Variants in TYK2 observed in about 807,000 individuals in gnomAD.
TYK2 encodes the protein non-receptor tyrosine-protein kinase TYK2.
TYK2 carries 65 observed loss-of-function variants against 130.9 expected under a neutral mutation model. The ratio of observed to expected loss-of-function variants is 0.50; its 90% confidence interval spans 0.41 to 0.61. The LOEUF (loss-of-function observed/expected upper bound fraction) is 0.61. TYK2 is among the 20% of genes least tolerant of loss of function. The pLI, the probability that TYK2 is intolerant of heterozygous loss-of-function variation, is 0.00. For synonymous variants in TYK2, 647 were observed against 658.9 expected (o/e 0.98, Z 0.28); for missense variants, 1,378 against 1,610.7 (o/e 0.86, Z 2.47).
rs1479893041 is a variant in TYK2, at chr19:10,353,139, G to A, written c.3028-41C>T. 1.5e-5 allele frequency: 22 copies of A among 1,457,200 alleles called. No homozygotes were observed. Among genetic ancestry groups the A allele is most frequent in the Non-Finnish European group, 1.9e-5 (21 of 1,100,912 alleles). 90.3% of individuals were successfully genotyped at this position (1,457,200 alleles called of 1,614,324 possible). The stretch of plus-strand genomic sequence containing the variant: ...GGCTCGTGAGTTTCAGTGGGGCGGG[G>A]TTCGGCCGGGGGCGGCGGCAGGACC... On this transcript the variant is annotated intron_variant, in intron 21 of 24. Transcript: ENST00000525621. This position sits in a 1 kb window ranked among gnomAD's most constrained non-coding sequence, Gnocchi z 6.9.
At chr19:10,378,492 T>C (rs2042251115) in intron 2 of TYK2, 66 bp from the exon 3 acceptor site, 3 of 1,336,824 alleles carry the variant, frequency 2.2e-6, no homozygotes, top group Non-Finnish European at 3.1e-6. Flanking sequence ...CTCTTCAACC[T>C]TCCACCCACC....
rs547478293 is a variant in TYK2, at chr19:10,362,624, C to T, written c.1401G>A (p.Glu467=). The T allele has an allele frequency of 1.0e-4, 159 of 1,552,048 alleles. 4 individuals are homozygous for T. In the South Asian group the frequency reaches 1.7e-3, roughly 16 times the overall value. Residue 467 remains glutamate (E), a synonymous_variant, in exon 10 of 25, where the codon GAG becomes GAA. Transcript: ENST00000525621. ...EPFVQAKLRP[E]DGLYLIHWST... ...TCCAGTGAATGAGGTACAGGCCGTC[C>T]TCGGGCCGCAGCTTGGCCTGCACAA...
chr19:10,367,493 C>T (rs537143141), intron 5 of TYK2, among the ~76,000 whole-genome samples: 18 of 152,018 alleles, frequency 1.2e-4, no homozygotes, highest in African/African-American at 4.1e-4. Context: ...GGGGTGGTGG[C>T]GGGCTTCTGT....
intron 22 of TYK2, 85 bp downstream of exon 22, chr19:10,352,841 A>C: frequency 6.8e-7 from 1 of 1,466,052 alleles, no homozygotes; most frequent in Non-Finnish European, 9.2e-7. Context: ...ATCATGCCCT[A>C]TCATGATACC....
At chr19:10,378,485 T>C in intron 2 of TYK2, 59 bp from the exon 3 acceptor site, 1 of 1,423,468 alleles carries the variant, frequency 7.0e-7, no homozygotes, top group Non-Finnish European at 9.7e-7. Context: ...CTGTTAGCTC[T>C]TCAACCTTCC....
Position 10,366,732 on chromosome 19 carries a change from C to CT in TYK2, c.466-153dup, listed in dbSNP as rs1320226317. 31 of 477,656 alleles carry CT rather than the reference C, an allele frequency of 6.5e-5. No individual in the cohort carries two copies. In the East Asian group the frequency reaches 1.1e-3, roughly 17 times the overall value. 29.6% of individuals were successfully genotyped at this position (477,656 alleles called of 1,614,324 possible). A position where few individuals can be genotyped will look rare whatever the true frequency, so the allele number is the denominator to read the frequency against. ...ACTAACACTAATGATAGCTGATGAGCTAAAAAAAAAAAAAAAAAAAGAATA... is the reference window on the plus strand; with the variant it reads ...ACTAACACTAATGATAGCTGATGAGCTTAAAAAAAAAAAAAAAAAAAGAATA... On this transcript the variant is annotated intron_variant, in intron 5 of 24. Coordinates refer to ENST00000525621, the MANE Select transcript of TYK2 (RefSeq NM_003331.5).
At position 10,366,463 on chromosome 19, in the gene TYK2, C is replaced by A. The variant is rs201107041; in HGVS notation, c.583G>T (p.Ala195Ser). ...TCCAGGGGGATGCCATGGCGGAGAG[C>A]GAGGTGACAGAGGTGCAGAAAGGCC... ...GMAFLHLCHLALRHGIPLEEV... is the reference protein window; with the variant it reads ...GMAFLHLCHLSLRHGIPLEEV... The change falls in exon 6 of 25, where the codon GCT (alanine) becomes TCT (serine). Residue 195 changes from alanine (A) to serine (S), a missense_variant. Transcript: ENST00000525621. 3 of 1,613,952 alleles carry A rather than the reference C, an allele frequency of 1.9e-6. No homozygotes were observed. Among genetic ancestry groups the A allele is most frequent in the Non-Finnish European group, 2.5e-6 (3 of 1,180,012 alleles).
Position 10,366,368 on chromosome 19 carries a change from A to C in TYK2, c.629+49T>G, listed in dbSNP as rs748082483. ...AGTCTACCCTGGCTCCCAGATGCTCAGGACATTTCCCCCTGCCTACACAGC... is the reference window on the plus strand; with the variant it reads ...AGTCTACCCTGGCTCCCAGATGCTCCGGACATTTCCCCCTGCCTACACAGC... On this transcript the variant is annotated intron_variant, in intron 6 of 24. Coordinates refer to ENST00000525621, the MANE Select transcript of TYK2 (RefSeq NM_003331.5). The C allele has an allele frequency of 1.3e-6, 2 of 1,583,560 alleles. 1 individual carries two copies. Among genetic ancestry groups the C allele is most frequent in the East Asian group, 4.5e-5 (2 of 44,426 alleles).
intron 3 of TYK2, among the ~76,000 whole-genome samples, chr19:10,373,424 G>A (rs1048994097): frequency 3.3e-5 from 5 of 151,864 alleles, no homozygotes; most frequent in Admixed American, 6.6e-5. Flanking sequence ...CTGCAACTCC[G>A]CCTCCCAGGT....
In TYK2 at chr19:10,353,784, G is replaced by A; in HGVS notation, c.2909-138C>T. On this transcript the variant is annotated intron_variant, in intron 20 of 24. Transcript: ENST00000525621. The surrounding 1 kb of genome is among the most constrained non-coding windows in gnomAD (Gnocchi z 6.9). ...GCACACTAGACCCAGTTCTCAGGTG[G>A]GATGGACCCATCCAGAACCCCATTC... 1 of 700,700 alleles carries A rather than the reference G, an allele frequency of 1.4e-6. No homozygotes were observed. Among genetic ancestry groups the A allele is most frequent in the South Asian group, 1.9e-5 (1 of 52,634 alleles). The allele number at this position is 700,700 out of a possible 1,614,324, so 43.4% of individuals were successfully genotyped here.
intron 3 of TYK2, among the ~76,000 whole-genome samples, chr19:10,373,950 C>T (rs558306353): frequency 6.6e-6 from 1 of 152,212 alleles, no homozygotes; most frequent in African/African-American, 2.4e-5. Flanking sequence ...ACATCACCCG[C>T]ACACCTGTCT....
intron 3 of TYK2, among the ~76,000 whole-genome samples, chr19:10,374,982 G>A (rs2042062097): frequency 6.6e-6 from 1 of 152,098 alleles, no homozygotes; most frequent in African/African-American, 2.4e-5. Context: ...CCAGGAGTTT[G>A]AGACCAGCAT....
rs545099236 is a variant in TYK2, at chr19:10,378,882, T to C, written c.-20-456A>G. On this transcript the variant is annotated intron_variant, in intron 2 of 24. Coordinates refer to ENST00000525621, the MANE Select transcript of TYK2 (RefSeq NM_003331.5). ...CTTATCTTATCTTATCTTATCTTAT[T>C]TTTGAGACAGAGTTTCACTCTTGTT... Among the ~76,000 whole-genome samples, 383 of 137,306 alleles carry C rather than the reference T, an allele frequency of 2.8e-3. 6 individuals carry two copies. The highest frequency in any genetic ancestry group is 1.2e-3 in the East Asian group (6 of 4,870). 90.1% of individuals were successfully genotyped at this position (137,306 alleles called of 152,430 possible).
intron 15 of TYK2, 108 bp from the exon 16 acceptor site, chr19:10,358,246 T>A: frequency 9.3e-7 from 1 of 1,078,644 alleles, no homozygotes; most frequent in Non-Finnish European, 1.3e-6. Context: ...ACTGTGACTA[T>A]CACTGGGTTT....
At position 10,361,416 on chromosome 19, in the gene TYK2, G is replaced by T; in HGVS notation, c.2047+95C>A. 1.7e-6 allele frequency: 2 copies of T among 1,202,710 alleles called. No individual in the cohort carries two copies. The highest frequency in any genetic ancestry group is 2.4e-6 in the Non-Finnish European group (2 of 841,758). 74.5% of individuals were successfully genotyped at this position (1,202,710 alleles called of 1,614,324 possible). A position where few individuals can be genotyped will look rare whatever the true frequency, so the allele number is the denominator to read the frequency against. On this transcript the variant is annotated intron_variant, in intron 14 of 24. Transcript: ENST00000525621. This position sits in a 1 kb window ranked among gnomAD's most constrained non-coding sequence, Gnocchi z 4.0. ...GAGAGTTGAGAAATAGGCATAGGTT[G>T]GGGTGTAGGTCGAGGGTTGGGGTAC...
At chr19:10,365,495 G>A (rs1568337732) in intron 7 of TYK2, 22 bp downstream of exon 7, 7 of 1,613,210 alleles carry the variant, frequency 4.3e-6, no homozygotes, top group African/African-American at 1.3e-5. Context: ...AACCCCCAGG[G>A]CGGAAGGGGC....
intron 23 of TYK2, chr19:10,351,552 C>CT (rs1433613813): frequency 9.8e-6 from 3 of 307,348 alleles, no homozygotes; most frequent in Non-Finnish European, 1.9e-5. Flanking sequence ...AATCCCACCT[C>CT]TTACACTTCT....
Position 10,354,198 on chromosome 19 carries a change from G to T in TYK2, c.2752C>A (p.Pro918Thr). The T allele has an allele frequency of 6.2e-7, 1 of 1,613,552 alleles. No individual in the cohort carries two copies. The highest frequency in any genetic ancestry group is 8.5e-7 in the Non-Finnish European group (1 of 1,180,026). ...FGKVSLYCYD[P>T]TNDGTGEMVA... ...ATCTCGCCAGTGCCGTCGTTGGTCG[G>T]ATCGTAGCAGTACAAGCTGACCTTG... Residue 918 changes from proline to threonine, a missense_variant, in exon 20 of 25, where the codon CCG (proline) becomes ACG (threonine). Coordinates refer to ENST00000525621, the MANE Select transcript of TYK2 (RefSeq NM_003331.5).
At chr19:10,362,056 C>G (rs760601834) in intron 12 of TYK2, 22 bp downstream of exon 12, 1 of 1,613,470 alleles carries the variant, frequency 6.2e-7, no homozygotes, top group South Asian at 1.1e-5. Context: ...GCCCTTGCCC[C>G]GGGCCCCTTC....
Sources: allele counts gnomAD v4.1 joint callset (sites outside exome capture counted in the v4.1 genomes callset), GRCh38; gene constraint gnomAD v4.1.1; non-coding constraint Gnocchi (gnomAD v3.1); transcripts MANE v1.5; gene names NCBI Gene and HGNC (gene_info 2026-07-23, HGNC 2026-07-21).